The following CNTN1 variants were observed in gnomAD, a reference collection of about 807,000 sequenced individuals.
The protein encoded by CNTN1 is contactin-1.
In CNTN1, 38 loss-of-function variants were observed where a neutral mutation model predicts 126.4. That is an observed-to-expected ratio of 0.30 (90% confidence interval 0.23 to 0.39). The LOEUF (loss-of-function observed/expected upper bound fraction) is 0.39, where lower values mean the gene tolerates loss of function less well. Ranked by LOEUF, CNTN1 falls within the 10% of genes least tolerant of loss-of-function variation. The pLI is 1.00. For synonymous variants in CNTN1, 413 were observed against 422.6 expected (o/e 0.98, Z 0.28); for missense variants, 1,009 against 1,248.4 (o/e 0.81, Z 2.89).
rs3223354 is a variant in CNTN1 at position 40,809,814 on chromosome 12, TCA to T, written c.-76-98508_-76-98507del. Among the ~76,000 whole-genome samples the T allele has an allele frequency of 2.9e-3, 432 of 146,850 alleles. 2 individuals are homozygous for T. The highest frequency in any genetic ancestry group is 7.6e-3 in the African/African-American group (298 of 39,216). On this transcript the variant is annotated intron_variant, in intron 1 of 23. Transcript: ENST00000551295. ...CTGGGCAACAGAGTGAGACTCTGTC[TCA>T]CACACACACACACACACACACACAC...
At chr12:40,841,439 A>G (rs1367738900) in intron 1 of CNTN1, among the ~76,000 whole-genome samples, 2 of 152,120 alleles carry the variant, frequency 1.3e-5, no homozygotes, top group African/African-American at 4.8e-5. Flanking sequence ...TTATGAGGCC[A>G]GCATCAACCC....
At chr12:40,908,733 G>T (rs1944923843) in intron 2 of CNTN1, among the ~76,000 whole-genome samples, 1 of 152,084 alleles carries the variant, frequency 6.6e-6, no homozygotes, top group South Asian at 2.1e-4. Flanking sequence ...GATCTCTGGG[G>T]AGATCCCTGG....
chr12:40,786,947 A>G (rs896504089), intron 1 of CNTN1, among the ~76,000 whole-genome samples: 3 of 152,128 alleles, frequency 2.0e-5, no homozygotes, highest in Non-Finnish European at 4.4e-5. Flanking sequence ...AGCACTTCTA[A>G]TATCTAATAA....
intron 15 of CNTN1, among the ~76,000 whole-genome samples, chr12:40,976,809 G>A (rs891892091): frequency 3.3e-5 from 5 of 152,152 alleles, no homozygotes; most frequent in Admixed American, 2.0e-4. Flanking sequence ...AAGTCCGACC[G>A]TCCACGTTTG....
intron 1 of CNTN1, among the ~76,000 whole-genome samples, chr12:40,822,742 C>CT (rs1313747157): frequency 2.0e-5 from 3 of 152,066 alleles, no homozygotes; most frequent in African/African-American, 7.2e-5. Context: ...ATAGCATCTT[C>CT]TTTTTTCTTC....
chr12:41,021,761 A>G (rs917999403), intron 20 of CNTN1, among the ~76,000 whole-genome samples: 6 of 151,898 alleles, frequency 4.0e-5, no homozygotes, highest in African/African-American at 1.5e-4. Flanking sequence ...GGGAATAATT[A>G]GACTGAGAAT....
chr12:40,917,338 A>C (rs1945282261), intron 3 of CNTN1, among the ~76,000 whole-genome samples: 1 of 152,124 alleles, frequency 6.6e-6, no homozygotes, highest in Admixed American at 6.6e-5. Flanking sequence ...GCCATCTTTC[A>C]TGAATTGTCT....
chr12:40,763,197 C>T (rs1476684063), intron 1 of CNTN1: 1 of 152,278 alleles, frequency 6.6e-6, no homozygotes, highest in African/African-American at 2.4e-5. Flanking sequence ...GCCCGCAAAA[C>T]TGTGAGCCAA....
At chr12:41,012,582 C>T (rs989502092) in intron 17 of CNTN1, among the ~76,000 whole-genome samples, 1 of 152,174 alleles carries the variant, frequency 6.6e-6, no homozygotes, top group African/African-American at 2.4e-5. Context: ...CTCCTTCCAG[C>T]CCCACATGAC....
At position 40,965,200 on chromosome 12, in the gene CNTN1, G is replaced by A. The variant is rs146332339; in HGVS notation, c.1804+5966G>A. The stretch of plus-strand genomic sequence containing the variant: ...CAAATTTGAAAATACAATTTTAAAT[G>A]TAGAACTAATCCTATGGGTTATCTA... On this transcript the variant is annotated intron_variant, in intron 15 of 23. Coordinates refer to ENST00000551295, the MANE Select transcript of CNTN1 (RefSeq NM_001843.4). 5.5e-4 allele frequency among the ~76,000 whole-genome samples: 83 copies of A among 152,134 alleles called. 1 individual carries two copies. The East Asian group carries it at 9.1e-3, about 17-fold the overall frequency.
intron 1 of CNTN1, among the ~76,000 whole-genome samples, chr12:40,861,870 T>C (rs1342706805): frequency 6.6e-6 from 1 of 152,122 alleles, no homozygotes; most frequent in Non-Finnish European, 1.5e-5. Context: ...TTGTCATACA[T>C]GGCATTTTTA....
chr12:41,053,065 A>G (rs939465648), intron 23 of CNTN1, among the ~76,000 whole-genome samples: 3 of 151,676 alleles, frequency 2.0e-5, no homozygotes, highest in Non-Finnish European at 4.4e-5. Context: ...CATAGATATT[A>G]TAATCCAAGC....
At chr12:41,028,082 A>G in intron 22 of CNTN1, 113 bp downstream of exon 22, 1 of 733,664 alleles carries the variant, frequency 1.4e-6, no homozygotes, top group Non-Finnish European at 2.4e-6. Context: ...CCCAGACCGG[A>G]GTGCAGTGGT....
intron 21 of CNTN1, among the ~76,000 whole-genome samples, chr12:41,026,177 C>A (rs954679101): frequency 6.6e-6 from 1 of 152,224 alleles, no homozygotes; most frequent in African/African-American, 2.4e-5. Context: ...CATTTTTGTT[C>A]TTTTTCCATT....
intron 1 of CNTN1, among the ~76,000 whole-genome samples, chr12:40,778,539 G>A (rs1329228230): frequency 6.6e-6 from 1 of 151,616 alleles, no homozygotes; most frequent in Non-Finnish European, 1.5e-5. Flanking sequence ...TCTACAAATA[G>A]ACAAAAAATA....
At chr12:41,050,978 C>A (rs1055427293) in intron 23 of CNTN1, among the ~76,000 whole-genome samples, 2 of 152,042 alleles carry the variant, frequency 1.3e-5, no homozygotes, top group African/African-American at 4.8e-5. Flanking sequence ...TTTCCCACCC[C>A]ACAAGAACCA....
chr12:40,726,985 TAA>T (rs1216139244), intron 1 of CNTN1, among the ~76,000 whole-genome samples: 1 of 150,280 alleles, frequency 6.7e-6, no homozygotes, highest in East Asian at 1.9e-4. Context: ...ATTTTTAATC[TAA>T]AAAGTCTTTT....
chr12:40,835,883 C>T (rs886877292), intron 1 of CNTN1, among the ~76,000 whole-genome samples: 18 of 151,154 alleles, frequency 1.2e-4, no homozygotes, highest in African/African-American at 4.4e-4. Flanking sequence ...GCAAATTCTA[C>T]ACATATGCCA....
At chr12:40,706,093 G>C (rs1941731086) in intron 1 of CNTN1, among the ~76,000 whole-genome samples, 1 of 103,738 alleles carries the variant, frequency 9.6e-6, no homozygotes, top group Non-Finnish European at 2.1e-5. Flanking sequence ...ATCATTTGAT[G>C]CTTTATATAT....
Sources: gnomAD v4.1 joint callset for allele counts (sites outside exome capture counted in the v4.1 genomes callset) on GRCh38, gnomAD v4.1.1 for gene constraint, MANE v1.5 for transcripts, NCBI Gene and HGNC (gene_info 2026-07-23, HGNC 2026-07-21) for gene names.